SEC14L1: variants seen among roughly 807,000 people sequenced by gnomAD.
SEC14L1 encodes the protein SEC14 like lipid binding 1.
Under a neutral mutation model 85.3 loss-of-function variants are expected in SEC14L1, and 48 were observed. The ratio of observed to expected loss-of-function variants is 0.56; its 90% CI spans 0.45 to 0.72. The LOEUF (loss-of-function observed/expected upper bound fraction) is 0.72, where lower values mean the gene tolerates loss of function less well. Among genes scored for constraint, SEC14L1 ranks in the 30% least tolerant of loss-of-function variants. SEC14L1 has a pLI of 0.00. For missense variants in SEC14L1, 682 were observed against 921.4 expected (o/e 0.74, Z 3.36); for synonymous variants, 391 against 355.5 (o/e 1.10, Z -1.12).
At chr17:77,133,436 C>T (rs1232800854) in intron 3 of SEC14L1, among the ~76,000 whole-genome samples, 1 of 152,274 alleles carries the variant, frequency 6.6e-6, no homozygotes, top group East Asian at 1.9e-4. Flanking sequence ...GAGGTCAGCT[C>T]GAGGCGGCCA....
intron 3 of SEC14L1, among the ~76,000 whole-genome samples, chr17:77,124,552 G>T (rs1213410814): frequency 3.3e-5 from 5 of 152,156 alleles, no homozygotes; most frequent in Admixed American, 6.5e-5. Flanking sequence ...TTCAGCTGTG[G>T]TGGTTCAAAA....
At chr17:77,121,282 G>A (rs555014894) in intron 3 of SEC14L1, among the ~76,000 whole-genome samples, 29 of 152,242 alleles carry the variant, frequency 1.9e-4, no homozygotes, top group Non-Finnish European at 3.4e-4. Flanking sequence ...TGGAGAAGTG[G>A]TAGGAGAGGC....
rs146514116 is a variant in SEC14L1, at chr17:77,179,966, C to G, written c.64-10837C>G. Among the ~76,000 whole-genome samples the G allele has an allele frequency of 6.2e-3, 938 of 150,288 alleles. 7 individuals are homozygous for G. Among genetic ancestry groups the G allele is most frequent in the African/African-American group, 0.021 (874 of 40,830 alleles). Reference sequence around the variant, plus strand: ...TGCTGGGATTACAGGCATGAGCCGCCGCGCCTGGCCTACGTATTTGTTTTT... The same window carrying G: ...TGCTGGGATTACAGGCATGAGCCGCGGCGCCTGGCCTACGTATTTGTTTTT... On this transcript the variant is annotated intron_variant, in intron 3 of 16. Transcript: ENST00000436233.
At chr17:77,154,782 T>C (rs1973734668) in intron 3 of SEC14L1, among the ~76,000 whole-genome samples, 1 of 152,202 alleles carries the variant, frequency 6.6e-6, no homozygotes, top group Non-Finnish European at 1.5e-5. Flanking sequence ...TGTACTGCCA[T>C]GTGTATCAGT....
At chr17:77,168,995 C>T (rs989989102) in intron 3 of SEC14L1, among the ~76,000 whole-genome samples, 6 of 143,274 alleles carry the variant, frequency 4.2e-5, no homozygotes, top group African/African-American at 7.8e-5. Context: ...TCAAAAGACC[C>T]GTGAGGAGCA....
chr17:77,128,775 G>T (rs747552570), intron 3 of SEC14L1, among the ~76,000 whole-genome samples: 1 of 152,062 alleles, frequency 6.6e-6, no homozygotes, highest in Non-Finnish European at 1.5e-5. Flanking sequence ...TTTTAAAGTA[G>T]AGTGAGCTTT....
In SEC14L1 at chr17:77,216,309, G is replaced by C; in HGVS notation, c.*2286G>C. The C allele has an allele frequency of 7.5e-7, 1 of 1,331,552 alleles. No homozygotes were observed. Among genetic ancestry groups the C allele is most frequent in the Non-Finnish European group, 9.6e-7 (1 of 1,040,514 alleles). The allele number at this position is 1,331,552 out of a possible 1,614,324, so 82.5% of individuals were successfully genotyped here. A position where few individuals can be genotyped will look rare whatever the true frequency, so the allele number is the denominator to read the frequency against. On this transcript the variant is annotated 3_prime_UTR_variant, in exon 17 of 17. Coordinates refer to ENST00000436233, the MANE Select transcript of SEC14L1 (RefSeq NM_001143998.2). ...GTAGGGTTCGTAGGTAGGGCTAGTA[G>C]GTAGGGCTAGTAGGTAGGGCTAGTA...
At chr17:77,100,594 G>T (rs368550040) in intron 3 of SEC14L1, among the ~76,000 whole-genome samples, 2 of 151,382 alleles carry the variant, frequency 1.3e-5, no homozygotes, top group East Asian at 1.9e-4. Context: ...CCACCACCAC[G>T]CCCGGCTAAT....
At chr17:77,100,021 A>G (rs934949678) in intron 3 of SEC14L1, among the ~76,000 whole-genome samples, 3 of 152,246 alleles carry the variant, frequency 2.0e-5, no homozygotes, top group Non-Finnish European at 4.4e-5. Flanking sequence ...TAGAACTAAA[A>G]GGCTTCTAAC....
chr17:77,159,469 C>T (rs1400088150), intron 3 of SEC14L1, among the ~76,000 whole-genome samples: 2 of 150,860 alleles, frequency 1.3e-5, no homozygotes, highest in Non-Finnish European at 2.9e-5. Context: ...CAACCTCTGT[C>T]TCCCAGGTTC....
At chr17:77,118,157 A>G (rs1354494428) in intron 3 of SEC14L1, among the ~76,000 whole-genome samples, 1 of 152,224 alleles carries the variant, frequency 6.6e-6, no homozygotes, top group African/African-American at 2.4e-5. Context: ...CAGAGCCATT[A>G]AGGGTGAGTG....
At chr17:77,200,807 G>A in intron 9 of SEC14L1, 134 bp downstream of exon 9, 1 of 841,132 alleles carries the variant, frequency 1.2e-6, no homozygotes, top group African/African-American at 1.7e-5. Context: ...TGAGAATTTG[G>A]CACCTTTCCC....
chr17:77,167,539 G>A (rs976612346), intron 3 of SEC14L1, among the ~76,000 whole-genome samples: 2 of 152,062 alleles, frequency 1.3e-5, no homozygotes, highest in African/African-American at 4.8e-5. Context: ...ATTTTTTAGA[G>A]CAATTACAGG....
At chr17:77,145,248 C>G (rs1201923481) in intron 3 of SEC14L1, among the ~76,000 whole-genome samples, 1 of 151,838 alleles carries the variant, frequency 6.6e-6, no homozygotes, top group African/African-American at 2.4e-5. Flanking sequence ...CCTGCCTTGG[C>G]CTTCCAAAGT....
chr17:77,204,773 T>C (rs184273937), intron 10 of SEC14L1, among the ~76,000 whole-genome samples: 1 of 152,268 alleles, frequency 6.6e-6, no homozygotes, highest in East Asian at 1.9e-4. Context: ...TATGTGTGTT[T>C]ATATATCCCC....
Position 77,213,674 on chromosome 17 carries a change from GGA to G in SEC14L1, c.2042+186_2042+187del, listed in dbSNP as rs774665499. The G allele has an allele frequency of 5.9e-6, 5 of 852,946 alleles. No homozygotes were observed. Among genetic ancestry groups the G allele is most frequent in the Non-Finnish European group, 9.6e-6 (5 of 523,068 alleles). The allele number at this position is 852,946 out of a possible 1,614,324, so 52.8% of individuals were successfully genotyped here. The stretch of plus-strand genomic sequence containing the variant: ...GGTGACTCCCTGCCTGTCTGCAGAG[GGA>G]GAGTGTCGGAGACAGAGCCGACTGA... On this transcript the variant is annotated intron_variant, in intron 16 of 16. Transcript: ENST00000436233. The surrounding 1 kb of genome is among the most constrained non-coding windows in gnomAD (Gnocchi z 7.1).
In SEC14L1 at chr17:77,200,534, T is replaced by C. The variant is rs1254362454; in HGVS notation, c.870T>C (p.Asn290=). ...ILRFLRARDF[N]IDKAREIMCQ... is the part of the protein sequence containing the mutation. ...GGTTCCTCCGTGCACGGGATTTTAA[T>C]ATTGACAAAGCCAGAGAGATCATGT... Residue 290 remains asparagine (N), a synonymous_variant, in exon 9 of 17, where the codon AAT becomes AAC. Transcript: ENST00000436233. 4 of 1,613,970 alleles carry C rather than the reference T, an allele frequency of 2.5e-6. No individual in the cohort carries two copies. The African/African-American group carries it at 5.3e-5, about 22-fold the overall frequency.
intron 3 of SEC14L1, among the ~76,000 whole-genome samples, chr17:77,118,658 A>C (rs971250025): frequency 6.6e-6 from 1 of 152,220 alleles, no homozygotes; most frequent in Non-Finnish European, 1.5e-5. Flanking sequence ...AGAGAAGATC[A>C]TGCTTTTTCT....
chr17:77,123,093 A>T (rs1972344185), intron 3 of SEC14L1, among the ~76,000 whole-genome samples: 1 of 148,756 alleles, frequency 6.7e-6, no homozygotes, highest in Non-Finnish European at 1.5e-5. Flanking sequence ...CTCTATTGCC[A>T]TGCTGGAGTG....
Sources: gnomAD v4.1 joint callset for allele counts (sites outside exome capture counted in the v4.1 genomes callset) on GRCh38, gnomAD v4.1.1 for gene constraint, Gnocchi (gnomAD v3.1) non-coding constraint, MANE v1.5 for transcripts, NCBI Gene and HGNC (gene_info 2026-07-23, HGNC 2026-07-21) for gene names.